Variants in UNC5D observed in about 807,000 individuals in gnomAD.
UNC5D encodes netrin receptor UNC5D.
UNC5D carries 39 observed loss-of-function variants against 105.4 expected under a neutral mutation model. That is an observed-to-expected ratio of 0.37 (90% CI 0.29 to 0.48). The LOEUF (loss-of-function observed/expected upper bound fraction) is 0.48. Ranked by LOEUF, UNC5D falls within the 20% of genes least tolerant of loss-of-function variation. The pLI is 0.98. For missense variants in UNC5D, 991 were observed against 1,202.4 expected, an observed-to-expected ratio of 0.82 and a Z score of 2.60; for synonymous variants, 452 against 450.4, an observed-to-expected ratio of 1.00 and a Z score of -0.04.
At chr8:35,578,268 TCAA>T (rs1818232844) in intron 3 of UNC5D, among the ~76,000 whole-genome samples, 1 of 135,304 alleles carries the variant, frequency 7.4e-6, no homozygotes, top group Non-Finnish European at 1.6e-5. Context: ...AAACTCTGTC[TCAA>T]AAAAAAAAAA....
chr8:35,731,212 A>C, intron 11 of UNC5D, 116 bp downstream of exon 11: 1 of 900,566 alleles, frequency 1.1e-6, no homozygotes, highest in Non-Finnish European at 1.7e-6. Flanking sequence ...CAGCCTGGCC[A>C]ACATGGCGAA....
At chr8:35,638,453 T>G (rs975243994) in intron 4 of UNC5D, among the ~76,000 whole-genome samples, 3 of 151,976 alleles carry the variant, frequency 2.0e-5, no homozygotes, top group Non-Finnish European at 4.4e-5. Flanking sequence ...TTATTATTAC[T>G]TTTTTTATGT....
At chr8:35,413,267 GTGTGTGTGTGTGTGTGTGTGTGTGT>G (rs1325136764) in intron 1 of UNC5D, among the ~76,000 whole-genome samples, 3 of 19,564 alleles carry the variant, frequency 1.5e-4, no homozygotes, top group East Asian at 3.9e-3. Flanking sequence ...CTGTGTGTGT[GTGTGTGTGTGTGTGTGTGTGTGTGT>G]TGTGTGTGTG....
chr8:35,331,322 C>G (rs1328037690), intron 1 of UNC5D, among the ~76,000 whole-genome samples: 2 of 152,116 alleles, frequency 1.3e-5, no homozygotes, highest in African/African-American at 2.4e-5. Flanking sequence ...GTTATAGACC[C>G]CTGAGCACTG....
intron 1 of UNC5D, among the ~76,000 whole-genome samples, chr8:35,537,908 T>G (rs1181814737): frequency 1.3e-5 from 2 of 152,082 alleles, no homozygotes; most frequent in Non-Finnish European, 2.9e-5. Context: ...AACAAACACA[T>G]GTAGAGTCTC....
intron 11 of UNC5D, among the ~76,000 whole-genome samples, chr8:35,745,915 CTTG>C (rs781016576): frequency 6.6e-6 from 1 of 151,988 alleles, no homozygotes; most frequent in East Asian, 1.9e-4. Context: ...TGTATACTGC[CTTG>C]TTGTGGATTA....
At chr8:35,785,822 C>A (rs1802718019) in intron 16 of UNC5D, among the ~76,000 whole-genome samples, 1 of 152,160 alleles carries the variant, frequency 6.6e-6, no homozygotes, top group South Asian at 2.1e-4. Context: ...GCAGGCATAC[C>A]CAGGGCAGCT....
intron 11 of UNC5D, among the ~76,000 whole-genome samples, chr8:35,743,743 A>G (rs1052740406): frequency 1.3e-5 from 2 of 152,048 alleles, no homozygotes; most frequent in African/African-American, 2.4e-5. Context: ...TCTCTCCTTC[A>G]TATACGTATA....
chr8:35,235,716 T>A lies in UNC5D; in HGVS notation c.-69T>A. On this transcript the variant is annotated 5_prime_UTR_variant, in exon 1 of 17. Coordinates refer to ENST00000404895, the MANE Select transcript of UNC5D (RefSeq NM_080872.4). ...CCGAGACCCATTCGACTCGGGACCC[T>A]CATCGCCGACCCTTTCCCGGGCTCC... 8.6e-7 allele frequency: 1 copy of A among 1,159,112 alleles called. No homozygotes were observed. Among genetic ancestry groups the A allele is most frequent in the Non-Finnish European group, 1.1e-6 (1 of 922,420 alleles). 71.8% of individuals were successfully genotyped at this position (1,159,112 alleles called of 1,614,324 possible). A position where few individuals can be genotyped will look rare whatever the true frequency, so the allele number is the denominator to read the frequency against.
At chr8:35,563,461 C>T (rs939292967) in intron 2 of UNC5D, among the ~76,000 whole-genome samples, 26 of 151,358 alleles carry the variant, frequency 1.7e-4, no homozygotes, top group Non-Finnish European at 3.4e-4. Context: ...GATATTTGTA[C>T]ATTGATTTTG....
intron 1 of UNC5D, among the ~76,000 whole-genome samples, chr8:35,493,801 C>T (rs1811365777): frequency 6.6e-6 from 1 of 151,980 alleles, no homozygotes; most frequent in African/African-American, 2.4e-5. Flanking sequence ...TTCTTTAATA[C>T]TCTATTCTCC....
intron 1 of UNC5D, among the ~76,000 whole-genome samples, chr8:35,528,308 G>A (rs976282220): frequency 6.7e-6 from 1 of 149,112 alleles, no homozygotes; most frequent in Non-Finnish European, 1.5e-5. Flanking sequence ...TTGGTTTTTT[G>A]TTCTTGCGAT....
chr8:35,598,320 C>A (rs548940469), intron 4 of UNC5D, among the ~76,000 whole-genome samples: 1 of 152,308 alleles, frequency 6.6e-6, no homozygotes, highest in East Asian at 1.9e-4. Context: ...TTTGTGCTTA[C>A]TCTTCTTCAT....
chr8:35,428,667 G>T (rs1196131408), intron 1 of UNC5D, among the ~76,000 whole-genome samples: 1 of 151,842 alleles, frequency 6.6e-6, no homozygotes, highest in Non-Finnish European at 1.5e-5. Context: ...TTTCACAATG[G>T]GTACCTGAGA....
intron 1 of UNC5D, among the ~76,000 whole-genome samples, chr8:35,419,521 G>T (rs1022285835): frequency 6.6e-6 from 1 of 152,204 alleles, no homozygotes; most frequent in Non-Finnish European, 1.5e-5. Flanking sequence ...CAATCATGGA[G>T]CCCCAAAGGG....
intron 11 of UNC5D, 145 bp downstream of exon 11, chr8:35,731,241 A>C: frequency 1.5e-6 from 1 of 662,062 alleles, no homozygotes; most frequent in Non-Finnish European, 2.5e-6. Flanking sequence ...TCTACTAAAA[A>C]TACAAAAAAA....
intron 1 of UNC5D, among the ~76,000 whole-genome samples, chr8:35,438,378 G>C (rs1208502203): frequency 1.4e-4 from 22 of 152,024 alleles, no homozygotes; most frequent in Admixed American, 1.4e-3. Context: ...TCTTCATGGT[G>C]CCTCAGTGGT....
chr8:35,294,699 T>TC (rs1024055023), intron 1 of UNC5D, among the ~76,000 whole-genome samples: 43 of 49,992 alleles, frequency 8.6e-4, no homozygotes, highest in East Asian at 2.1e-3. Context: ...CTTTTCTTCT[T>TC]TTTTTTTTTT....
intron 4 of UNC5D, among the ~76,000 whole-genome samples, chr8:35,649,141 A>G (rs1301602629): frequency 1.3e-5 from 2 of 152,232 alleles, no homozygotes; most frequent in East Asian, 1.9e-4. Flanking sequence ...TTAGATTTCT[A>G]GAATCGTTGA....
Sources: gnomAD v4.1 joint callset for allele counts (sites outside exome capture counted in the v4.1 genomes callset) on GRCh38, gnomAD v4.1.1 for gene constraint, MANE v1.5 for transcripts, NCBI Gene and HGNC (gene_info 2026-07-23, HGNC 2026-07-21) for gene names.